Variants in SPDEF observed in about 807,000 individuals in gnomAD.
SPDEF encodes the protein SAM pointed domain containing ETS transcription factor.
SPDEF carries 12 observed loss-of-function variants against 36.0 expected under a neutral mutation model. That is an observed-to-expected ratio of 0.33 (90% CI 0.21 to 0.54). SPDEF has a LOEUF of 0.54. Ranked by LOEUF, SPDEF falls within the 20% of genes least tolerant of loss-of-function variation. The pLI, the probability that SPDEF is intolerant of heterozygous loss-of-function variation, is 0.93. For synonymous variants in SPDEF, 205 were observed against 193.0 expected, an observed-to-expected ratio of 1.06 and a Z score of -0.51; for missense variants, 388 against 456.9, an observed-to-expected ratio of 0.85 and a Z score of 1.37.
At position 34,538,827 on chromosome 6, in the gene SPDEF, TC is replaced by T. The variant is rs1767749966; in HGVS notation, c.830-376del. ...GACCTAATGCAAAGTCCTGTGTGGC[TC>T]CCAGCAGTGCCCACGGCTCACTTGG... is the stretch of plus-strand genomic sequence containing the variant. On this transcript the variant is annotated intron_variant, in intron 5 of 5. Transcript: ENST00000374037. The surrounding 1 kb of genome is among the most constrained non-coding windows in gnomAD (Gnocchi z 5.9). Among the ~76,000 whole-genome samples the T allele has an allele frequency of 1.3e-5, 2 of 152,170 alleles. No homozygotes were observed. The highest frequency in any genetic ancestry group is 4.1e-4 in the South Asian group (2 of 4,834).
chr6:34,548,216 A>T (rs1259982117), intron 1 of SPDEF, among the ~76,000 whole-genome samples: 1 of 152,166 alleles, frequency 6.6e-6, no homozygotes, highest in African/African-American at 2.4e-5. Context: ...AGGCTCAGGG[A>T]GGCTGTGCAG....
chr6:34,540,522 G>C (rs937192836), intron 3 of SPDEF, among the ~76,000 whole-genome samples: 1 of 152,038 alleles, frequency 6.6e-6, no homozygotes, highest in African/African-American at 2.4e-5. Context: ...CTCTAGGGAG[G>C]GGATTGGAAG....
Position 34,539,167 on chromosome 6 carries a change from G to GC in SPDEF, c.829+82dup. The GC allele has an allele frequency of 6.6e-7, 1 of 1,511,746 alleles. No homozygotes were observed. Among genetic ancestry groups the GC allele is most frequent in the Non-Finnish European group, 9.0e-7 (1 of 1,107,924 alleles). The allele number at this position is 1,511,746 out of a possible 1,614,324, so 93.6% of individuals were successfully genotyped here. ...CAGCTTCACCCCTCTGCCCGCCCCT[G>GC]CCCCCATGCACCGTGCCTGGCAGAA... is the stretch of plus-strand genomic sequence containing the variant. On this transcript the variant is annotated intron_variant, in intron 5 of 5. Transcript: ENST00000374037. The surrounding 1 kb of genome is among the most constrained non-coding windows in gnomAD (Gnocchi z 5.2).
chr6:34,544,227 C>T lies in SPDEF; in HGVS notation c.229G>A (p.Ala77Thr). ...TCCTCCCGACTGCTGGCCCCAGGGG[C>T]CTTGGCTGCCCAGCTGCTGTCCTCA... ...YPEDSSWAAK[A>T]PGASSREEPP... is the part of the protein sequence containing the mutation. Residue 77 changes from alanine (A) to threonine (T), a missense_variant, in exon 2 of 6, where the codon GCC becomes ACC. Ala to Thr is a moderately conservative substitution (Grantham distance 58). This residue lies in a region of SPDEF where 308 missense variants were observed against 326.1 expected (regional missense o/e 0.94). Coordinates refer to ENST00000374037, the MANE Select transcript of SPDEF (RefSeq NM_012391.3). This position sits in a 1 kb window ranked among gnomAD's most constrained non-coding sequence, Gnocchi z 4.4. The T allele has an allele frequency of 1.9e-6, 3 of 1,613,858 alleles. No individual in the cohort carries two copies. The highest frequency in any genetic ancestry group is 2.2e-5 in the South Asian group (2 of 91,090).
chr6:34,553,476 G>T (rs941192862), intron 1 of SPDEF, among the ~76,000 whole-genome samples: 1 of 152,188 alleles, frequency 6.6e-6, no homozygotes, highest in Non-Finnish European at 1.5e-5. Flanking sequence ...CTGACTCTCT[G>T]CTCTCTAGCT....
chr6:34,538,567 TC>T lies in SPDEF; in HGVS notation c.830-116del. Reference sequence around the variant, plus strand: ...AACCAAGGGACCCCGTGCAGAGGCCTCCCCCTGCTCGGGTGGGGCGGGGTGT... The same window carrying T: ...AACCAAGGGACCCCGTGCAGAGGCCTCCCCTGCTCGGGTGGGGCGGGGTGT... On this transcript the variant is annotated intron_variant, in intron 5 of 5. Transcript: ENST00000374037. The surrounding 1 kb of genome is among the most constrained non-coding windows in gnomAD (Gnocchi z 5.9). The T allele has an allele frequency of 9.7e-7, 1 of 1,031,692 alleles. No individual in the cohort carries two copies. 63.9% of individuals were successfully genotyped at this position (1,031,692 alleles called of 1,614,324 possible). A position where few individuals can be genotyped will look rare whatever the true frequency, so the allele number is the denominator to read the frequency against.
chr6:34,550,888 A>C (rs1166729466), intron 1 of SPDEF, among the ~76,000 whole-genome samples: 2 of 152,194 alleles, frequency 1.3e-5, no homozygotes, highest in Non-Finnish European at 2.9e-5. Flanking sequence ...AACACATTGC[A>C]TCAGTGAAGC....
In SPDEF at chr6:34,539,133, G is replaced by T; in HGVS notation, c.829+117C>A. On this transcript the variant is annotated intron_variant, in intron 5 of 5. Coordinates refer to ENST00000374037, the MANE Select transcript of SPDEF (RefSeq NM_012391.3). The surrounding 1 kb of genome is among the most constrained non-coding windows in gnomAD (Gnocchi z 5.2). ...CTGCATATTTGGCATCTAGGACAAA[G>T]GTGGGGATCAGCTTCACCCCTCTGC... 8.2e-7 allele frequency: 1 copy of T among 1,222,292 alleles called. No individual in the cohort carries two copies. Among genetic ancestry groups the T allele is most frequent in the Non-Finnish European group, 1.2e-6 (1 of 866,564 alleles). The allele number at this position is 1,222,292 out of a possible 1,614,324, so 75.7% of individuals were successfully genotyped here. A position where few individuals can be genotyped will look rare whatever the true frequency, so the allele number is the denominator to read the frequency against.
At position 34,539,174 on chromosome 6, in the gene SPDEF, T is replaced by G; in HGVS notation, c.829+76A>C. 13 of 1,548,080 alleles carry G rather than the reference T, an allele frequency of 8.4e-6. No individual in the cohort carries two copies. Among genetic ancestry groups the G allele is most frequent in the Non-Finnish European group, 1.1e-5 (13 of 1,134,806 alleles). On this transcript the variant is annotated intron_variant, in intron 5 of 5. Coordinates refer to ENST00000374037, the MANE Select transcript of SPDEF (RefSeq NM_012391.3). The surrounding 1 kb of genome is among the most constrained non-coding windows in gnomAD (Gnocchi z 5.2). ...ACCCCTCTGCCCGCCCCTGCCCCCA[T>G]GCACCGTGCCTGGCAGAAGCCCCCA... is the stretch of plus-strand genomic sequence containing the variant.
chr6:34,541,044 G>A lies in SPDEF; in HGVS notation c.574C>T (p.Arg192Cys), dbSNP rs7751270. ...TCCCCACCCAGGGGCGAGCGCTGGC[G>A]GAACTGCTCCTCCGACATGGCGCAC... ...ELCAMSEEQF[R>C]QRSPLGGDVL... is the part of the protein sequence containing the mutation. The change falls in exon 3 of 6, where the codon CGC (arginine) becomes TGC (cysteine). Residue 192 changes from arginine to cysteine, a missense_variant. Coordinates refer to ENST00000374037, the MANE Select transcript of SPDEF (RefSeq NM_012391.3). 2,213 of 1,612,564 alleles carry A rather than the reference G, an allele frequency of 1.4e-3. 7 individuals are homozygous for A. The highest frequency in any genetic ancestry group is 7.7e-3 in the Middle Eastern group (43 of 5,552).
chr6:34,546,344 T>C (rs1767953622), intron 1 of SPDEF, among the ~76,000 whole-genome samples: 1 of 152,056 alleles, frequency 6.6e-6, no homozygotes, highest in African/African-American at 2.4e-5. Flanking sequence ...TCTCTAACAG[T>C]GACATTTATG....
Position 34,539,434 on chromosome 6 carries a change from G to A in SPDEF, c.683-38C>T. 1 of 1,612,224 alleles carries A rather than the reference G, an allele frequency of 6.2e-7. No homozygotes were observed. Among genetic ancestry groups the A allele is most frequent in the Non-Finnish European group, 8.5e-7 (1 of 1,179,774 alleles). The stretch of plus-strand genomic sequence containing the variant: ...GGAGGGTGGCGGTGAGTGGGAATGG[G>A]AGGCCAGTCCCGGCTTCATTGGCAG... On this transcript the variant is annotated intron_variant, in intron 4 of 5. Transcript: ENST00000374037. This position sits in a 1 kb window ranked among gnomAD's most constrained non-coding sequence, Gnocchi z 5.2.
At chr6:34,540,486 C>T (rs1382379550) in intron 3 of SPDEF, among the ~76,000 whole-genome samples, 1 of 151,380 alleles carries the variant, frequency 6.6e-6, no homozygotes, top group African/African-American at 2.4e-5. Context: ...TGGAAAGATA[C>T]TCAAGAAACT....
intron 1 of SPDEF, among the ~76,000 whole-genome samples, chr6:34,554,117 G>A (rs939096068): frequency 6.6e-5 from 10 of 152,274 alleles, no homozygotes; most frequent in Middle Eastern, 3.4e-3. Flanking sequence ...CCCACATGGC[G>A]GGACCTCACC....
chr6:34,539,477 C>T lies in SPDEF; in HGVS notation c.682+38G>A. 2 of 1,569,650 alleles carry T rather than the reference C, an allele frequency of 1.3e-6. No individual in the cohort carries two copies. On this transcript the variant is annotated intron_variant, in intron 4 of 5. Transcript: ENST00000374037. This position sits in a 1 kb window ranked among gnomAD's most constrained non-coding sequence, Gnocchi z 5.2. The stretch of plus-strand genomic sequence containing the variant: ...ATTGGCAGCCACCCCTCCACCCCAC[C>T]CGAGCCCCCGCCTCCACCCTGCCGC...
chr6:34,553,022 C>T (rs1768095091), intron 1 of SPDEF, among the ~76,000 whole-genome samples: 2 of 152,162 alleles, frequency 1.3e-5, no homozygotes, highest in South Asian at 4.1e-4. Flanking sequence ...GTCCCTCCAG[C>T]CACGTCTCCC....
At position 34,541,223 on chromosome 6, in the gene SPDEF, G is replaced by GCAC. The variant is rs779509332; in HGVS notation, c.437-45_437-43dup. On this transcript the variant is annotated intron_variant, in intron 2 of 5. Coordinates refer to ENST00000374037, the MANE Select transcript of SPDEF (RefSeq NM_012391.3). Reference sequence around the variant, plus strand: ...CCCTCAGCTCAGGGGTGGCCTGAGAGCACCACCCTGCTGTGATGGGGCACC... The same window carrying GCAC: ...CCCTCAGCTCAGGGGTGGCCTGAGAGCACCACCACCCTGCTGTGATGGGGCACC... The GCAC allele has an allele frequency of 7.9e-6, 12 of 1,528,146 alleles. No homozygotes were observed. The East Asian group carries it at 2.6e-4, about 34-fold the overall frequency. The allele number at this position is 1,528,146 out of a possible 1,614,324, so 94.7% of individuals were successfully genotyped here.
chr6:34,553,629 C>T (rs892725965), intron 1 of SPDEF, among the ~76,000 whole-genome samples: 5 of 151,612 alleles, frequency 3.3e-5, no homozygotes, highest in African/African-American at 9.7e-5. Context: ...GTTGAGTGTA[C>T]ATGAGGGGGG....
Position 34,541,129 on chromosome 6 carries a change from C to A in SPDEF, c.489G>T (p.Glu163Asp). ...CCATGGGGGGCAGCCGGTATTGGTG[C>A]TCTGTCCACAGGAGCCACTTCTGCA... The part of the protein sequence containing the change: ...SNVQKWLLWT[E>D]HQYRLPPMGK... Residue 163 changes from glutamate to aspartate, a missense_variant, in exon 3 of 6, where the codon GAG becomes GAT. Physicochemically the swap from Glu to Asp is conservative, Grantham distance 45. Transcript: ENST00000374037. 1 of 1,609,896 alleles carries A rather than the reference C, an allele frequency of 6.2e-7. No individual in the cohort carries two copies.
Sources: gnomAD v4.1 joint callset for allele counts (sites outside exome capture counted in the v4.1 genomes callset) on GRCh38, gnomAD v4.1.1 for gene constraint, gnomAD v4.1.1 regional missense constraint, Gnocchi (gnomAD v3.1) non-coding constraint, MANE v1.5 for transcripts, NCBI Gene and HGNC (gene_info 2026-07-23, HGNC 2026-07-21) for gene names.